The following KCNS3 variants were observed in gnomAD, a reference collection of about 807,000 sequenced individuals.
The protein encoded by KCNS3 is delayed-rectifier potassium channel regulatory subunit KCNS3.
In KCNS3, 13 loss-of-function variants were observed where a neutral mutation model predicts 31.0. That is an observed-to-expected ratio of 0.42 (90% confidence interval 0.27 to 0.67). The LOEUF is 0.67. Ranked by LOEUF, KCNS3 falls within the 30% of genes least tolerant of loss-of-function variation. The pLI is 0.25. For missense variants in KCNS3, 545 were observed against 622.4 expected, an observed-to-expected ratio of 0.88 and a Z score of 1.32; for synonymous variants, 238 against 241.5, an observed-to-expected ratio of 0.99 and a Z score of 0.13.
chr2:17,915,917 A>G (rs10205871), intron 1 of KCNS3, among the ~76,000 whole-genome samples: 1 of 152,114 alleles, frequency 6.6e-6, no homozygotes. Flanking sequence ...GGAGAGAGAA[A>G]GGGACAGCCT....
intron 2 of KCNS3, among the ~76,000 whole-genome samples, chr2:17,919,970 G>T (rs1662675716): frequency 6.6e-6 from 1 of 152,106 alleles, no homozygotes; most frequent in South Asian, 2.1e-4. Context: ...GTTTACGTTT[G>T]CTTGGTTTTT....
At chr2:17,919,901 T>C (rs1662674392) in intron 2 of KCNS3, among the ~76,000 whole-genome samples, 1 of 152,144 alleles carries the variant, frequency 6.6e-6, no homozygotes, top group South Asian at 2.1e-4. Flanking sequence ...GGGAGGCACC[T>C]GGTAGGAGGT....
chr2:17,905,688 C>G (rs529738641), intron 1 of KCNS3, among the ~76,000 whole-genome samples: 1 of 152,308 alleles, frequency 6.6e-6, no homozygotes, highest in South Asian at 2.1e-4. Flanking sequence ...TGAATTTTGT[C>G]AAAGGCCTTT....
intron 1 of KCNS3, among the ~76,000 whole-genome samples, chr2:17,899,374 ATTATC>A (rs72151103): frequency 0.016 from 2,489 of 152,286 alleles, 61 homozygotes; most frequent in African/African-American, 0.057. Context: ...TGTAGGTACT[ATTATC>A]TTATTATATT....
intron 1 of KCNS3, among the ~76,000 whole-genome samples, chr2:17,903,092 T>C (rs1428773483): frequency 6.6e-6 from 1 of 152,216 alleles, no homozygotes; most frequent in Non-Finnish European, 1.5e-5. Context: ...GTGATTTTTC[T>C]TTTTTCCCAG....
chr2:17,901,922 C>T (rs924141993), intron 1 of KCNS3, among the ~76,000 whole-genome samples: 14 of 152,256 alleles, frequency 9.2e-5, no homozygotes, highest in East Asian at 3.9e-4. Flanking sequence ...TCAGCAAGAC[C>T]GGTGTTCCCT....
intron 1 of KCNS3, among the ~76,000 whole-genome samples, chr2:17,910,813 T>G (rs1662455644): frequency 1.3e-5 from 2 of 152,182 alleles, no homozygotes; most frequent in Admixed American, 1.3e-4. Context: ...CATCTCTTAC[T>G]TTGGTATTCC....
Position 17,931,436 on chromosome 2 carries a change from A to G in KCNS3, c.428A>G (p.Asp143Gly), listed in dbSNP as rs2125256157. 6.2e-7 allele frequency: 1 copy of G among 1,613,894 alleles called. No homozygotes were observed. Among genetic ancestry groups the G allele is most frequent in the East Asian group, 2.2e-5 (1 of 44,866 alleles). The change falls in exon 3 of 3, where the codon GAC becomes GGC. Residue 143 changes from aspartate (D) to glycine (G), a missense_variant. Asp to Gly is a moderately conservative substitution (Grantham distance 94). Transcript: ENST00000304101. This position sits in a 1 kb window ranked among gnomAD's most constrained non-coding sequence, Gnocchi z 5.4. ...CAGAAAAGCCATGATGTGAGTACCG[A>G]CTCCTCGTTTGAAGAGTCGTCTCTG... Reference protein sequence around the residue: ...WDQKSHDVSTDSSFEESSLFE... With the variant: ...WDQKSHDVSTGSSFEESSLFE...
intron 1 of KCNS3, among the ~76,000 whole-genome samples, chr2:17,910,130 G>A (rs760897597): frequency 1.3e-5 from 2 of 152,188 alleles, no homozygotes; most frequent in Non-Finnish European, 2.9e-5. Flanking sequence ...TACCAAAATA[G>A]TAAAAGCAAT....
At chr2:17,889,251 AGCTACT>A (rs1661780336) in intron 1 of KCNS3, among the ~76,000 whole-genome samples, 1 of 152,016 alleles carries the variant, frequency 6.6e-6, no homozygotes, top group Non-Finnish European at 1.5e-5. Flanking sequence ...TGTATAGAAG[AGCTACT>A]GATTTGTGTA....
intron 1 of KCNS3, among the ~76,000 whole-genome samples, chr2:17,895,788 G>A (rs559695131): frequency 1.3e-5 from 2 of 152,144 alleles, no homozygotes; most frequent in South Asian, 2.1e-4. Flanking sequence ...CAGAACTGGA[G>A]TTAACTGGAA....
Position 17,894,464 on chromosome 2 carries a change from C to T in KCNS3, c.-252+15658C>T, listed in dbSNP as rs1359629068. Among the ~76,000 whole-genome samples, 6 of 152,260 alleles carry T rather than the reference C, an allele frequency of 3.9e-5. No individual in the cohort carries two copies. The South Asian group carries it at 1.0e-3, about 26-fold the overall frequency. On this transcript the variant is annotated intron_variant, in intron 1 of 2. Coordinates refer to ENST00000304101, the MANE Select transcript of KCNS3 (RefSeq NM_002252.5). ...ATATTATATTTTTTTGTGTAACAGA[C>T]AATAACAGTCCTCCACAAACCCTGT... is the stretch of plus-strand genomic sequence containing the variant.
intron 2 of KCNS3, among the ~76,000 whole-genome samples, chr2:17,920,694 T>A (rs1342486187): frequency 6.6e-6 from 1 of 152,244 alleles, no homozygotes; most frequent in Non-Finnish European, 1.5e-5. Context: ...ACAGTGAAGC[T>A]AAGTTTAGCT....
intron 1 of KCNS3, among the ~76,000 whole-genome samples, chr2:17,905,228 A>G (rs1404104216): frequency 6.6e-6 from 1 of 152,180 alleles, no homozygotes; most frequent in African/African-American, 2.4e-5. Flanking sequence ...AGCAAGTGCG[A>G]ATGGGACTTC....
intron 1 of KCNS3, among the ~76,000 whole-genome samples, chr2:17,896,624 T>C (rs989888529): frequency 1.4e-4 from 21 of 152,248 alleles, no homozygotes; most frequent in African/African-American, 4.8e-4. Flanking sequence ...GTCCCCCTAA[T>C]TCCCTTTGGG....
intron 1 of KCNS3, among the ~76,000 whole-genome samples, chr2:17,888,657 AT>A: frequency 7.3e-6 from 1 of 137,170 alleles, no homozygotes; most frequent in Non-Finnish European, 1.6e-5. Flanking sequence ...ATATATATAT[AT>A]ATATATATAT....
At chr2:17,902,580 T>C (rs775015780) in intron 1 of KCNS3, among the ~76,000 whole-genome samples, 1 of 152,222 alleles carries the variant, frequency 6.6e-6, no homozygotes, top group East Asian at 1.9e-4. Context: ...TATACATCTA[T>C]GCGAAGACAG....
intron 1 of KCNS3, among the ~76,000 whole-genome samples, chr2:17,889,782 T>A: frequency 6.6e-6 from 1 of 152,240 alleles, no homozygotes. Context: ...TGAAATCCAG[T>A]TGATCATGGT....
intron 1 of KCNS3, among the ~76,000 whole-genome samples, chr2:17,885,496 A>G (rs1323932228): frequency 1.3e-5 from 2 of 152,234 alleles, no homozygotes; most frequent in African/African-American, 4.8e-5. Flanking sequence ...GAGACTGGCA[A>G]GTCCAAAATT....
Sources: gnomAD v4.1 joint callset for allele counts (sites outside exome capture counted in the v4.1 genomes callset) on GRCh38, gnomAD v4.1.1 for gene constraint, Gnocchi (gnomAD v3.1) non-coding constraint, MANE v1.5 for transcripts, NCBI Gene and HGNC (gene_info 2026-07-23, HGNC 2026-07-21) for gene names.